The following DAAM2 variants were observed in gnomAD, a reference collection of about 807,000 sequenced individuals.
DAAM2 encodes the protein disheveled-associated activator of morphogenesis 2.
A neutral mutation model predicts 120.7 loss-of-function variants in DAAM2; 39 were observed. That is an observed-to-expected ratio of 0.32 (90% CI 0.25 to 0.42). DAAM2 has a LOEUF of 0.42. Among genes scored for constraint, DAAM2 ranks in the 10% least tolerant of loss-of-function variants. The pLI is 1.00. For missense variants in DAAM2, 1,283 were observed against 1,401.7 expected, an observed-to-expected ratio of 0.92 and a Z score of 1.35; for synonymous variants, 488 against 524.9, an observed-to-expected ratio of 0.93 and a Z score of 0.96.
Position 39,811,174 on chromosome 6 carries a change from AGTGTGTGTGTGT to A in DAAM2, c.-57+18737_-57+18748del, listed in dbSNP as rs59432565. 8.1e-4 allele frequency among the ~76,000 whole-genome samples: 119 copies of A among 146,558 alleles called. 1 individual carries two copies. Among genetic ancestry groups the A allele is most frequent in the Admixed American group, 3.5e-3 (52 of 14,736 alleles). On this transcript the variant is annotated intron_variant, in intron 1 of 24. Transcript: ENST00000274867. ...ATTTGTAAGCCTGTAAACTGAAGGG[AGTGTGTGTGTGT>A]GTGTGTGTGTGTGTGTGTGTGTGTG...
rs1764945807 is a variant in DAAM2, at chr6:39,878,116, C to T, written c.1302-87C>T. On this transcript the variant is annotated intron_variant, in intron 11 of 24. Transcript: ENST00000274867. This position sits in a 1 kb window ranked among gnomAD's most constrained non-coding sequence, Gnocchi z 5.0. ...GACAGATTGGAGACCAGGGTCCCCA[C>T]CTGGAGGGTAGAAAGATGATGTCTC... The T allele has an allele frequency of 4.1e-6, 6 of 1,457,412 alleles. No homozygotes were observed. The highest frequency in any genetic ancestry group is 2.5e-5 in the South Asian group (2 of 79,348). The allele number at this position is 1,457,412 out of a possible 1,614,324, so 90.3% of individuals were successfully genotyped here.
At chr6:39,865,106 G>A (rs752274507) in intron 5 of DAAM2, 32 bp downstream of exon 5, 42 of 1,309,108 alleles carry the variant, frequency 3.2e-5, no homozygotes, top group Non-Finnish European at 4.0e-5. Context: ...GCTTCCTGCT[G>A]AGTCCCTTCA....
intron 1 of DAAM2, among the ~76,000 whole-genome samples, chr6:39,826,701 T>G (rs1024131364): frequency 1.3e-5 from 2 of 152,100 alleles, no homozygotes; most frequent in Non-Finnish European, 2.9e-5. Context: ...TTAAGAAAAA[T>G]GTACATAAAA....
chr6:39,841,068 G>T (rs1313564488), intron 1 of DAAM2, among the ~76,000 whole-genome samples: 3 of 101,142 alleles, frequency 3.0e-5, no homozygotes, highest in African/African-American at 1.1e-4. Flanking sequence ...GGGGAGGGGC[G>T]CTGGGAAGAG....
At chr6:39,854,987 T>G (rs770935710) in intron 1 of DAAM2, among the ~76,000 whole-genome samples, 8 of 152,246 alleles carry the variant, frequency 5.3e-5, no homozygotes, top group Non-Finnish European at 1.0e-4. Context: ...AGAGGCATTC[T>G]AATCTGTTAA....
chr6:39,896,207 T>C (rs1022696506), intron 19 of DAAM2, among the ~76,000 whole-genome samples: 4 of 151,992 alleles, frequency 2.6e-5, no homozygotes, highest in Non-Finnish European at 4.4e-5. Flanking sequence ...TTTTCTTTTT[T>C]CTTTTTTCTT....
chr6:39,860,157 C>G (rs1764153694), intron 2 of DAAM2, among the ~76,000 whole-genome samples: 1 of 152,194 alleles, frequency 6.6e-6, no homozygotes, highest in Non-Finnish European at 1.5e-5. Context: ...CCTTCAAATT[C>G]ACCCTAAAAT....
At chr6:39,897,402 T>C (rs1030571668) in intron 21 of DAAM2, 120 bp downstream of exon 21, 24 of 653,444 alleles carry the variant, frequency 3.7e-5, no homozygotes, top group Non-Finnish European at 6.2e-5. Context: ...GGTTCTTGTC[T>C]TCTGAGTTCA....
At position 39,851,777 on chromosome 6, in the gene DAAM2, G is replaced by A. The variant is rs145864080; in HGVS notation, c.-56-4470G>A. Among the ~76,000 whole-genome samples, 308 of 152,320 alleles carry A rather than the reference G, an allele frequency of 2.0e-3. 1 individual carries two copies. The highest frequency in any genetic ancestry group is 6.1e-3 in the African/African-American group (254 of 41,574). ...TAGGATCGCGCAGGCAGTATGAAAG[G>A]TCAGAGCTGGGAAAGTCCTTGGAGG... On this transcript the variant is annotated intron_variant, in intron 1 of 24. Coordinates refer to ENST00000274867, the MANE Select transcript of DAAM2 (RefSeq NM_001201427.2).
rs368026649 is a variant in DAAM2, at chr6:39,901,355, C to T, written c.2865C>T (p.Asp955=). ...AGCATGACAGCAAGATGCAGCCAGA[C>T]GAATTCTTTGGCATCTTTGATACCT... The part of the protein sequence containing the change: ...FGEHDSKMQP[D]EFFGIFDTFL... The change falls in exon 24 of 25, where the codon GAC becomes GAT. Residue 955 remains aspartate, a synonymous_variant. Coordinates refer to ENST00000274867, the MANE Select transcript of DAAM2 (RefSeq NM_001201427.2). The surrounding 1 kb of genome is among the most constrained non-coding windows in gnomAD (Gnocchi z 4.5). The T allele has an allele frequency of 1.3e-4, 217 of 1,613,818 alleles. No individual in the cohort carries two copies. Among genetic ancestry groups the T allele is most frequent in the Non-Finnish European group, 1.7e-4 (201 of 1,179,868 alleles).
At chr6:39,900,377 G>A (rs907179988) in intron 23 of DAAM2, among the ~76,000 whole-genome samples, 169 bp downstream of exon 23, 17 of 152,256 alleles carry the variant, frequency 1.1e-4, no homozygotes, top group Admixed American at 3.3e-4. Context: ...ACCACATACC[G>A]CAAAGATCAT....
intron 1 of DAAM2, among the ~76,000 whole-genome samples, chr6:39,793,561 C>T (rs578225969): frequency 2.1e-4 from 32 of 152,190 alleles, no homozygotes; most frequent in African/African-American, 5.8e-4. Flanking sequence ...TCCCTTGATG[C>T]CCACGTGGGA....
At chr6:39,886,625 G>T (rs780708699) in intron 15 of DAAM2, 6 of 395,604 alleles carry the variant, frequency 1.5e-5, no homozygotes, top group Non-Finnish European at 2.7e-5. Flanking sequence ...GCAGAGGGAG[G>T]TAATCAAATA....
intron 15 of DAAM2, 103 bp from the exon 16 acceptor site, chr6:39,887,383 C>T: frequency 1.3e-6 from 1 of 754,742 alleles, no homozygotes; most frequent in Admixed American, 2.2e-5. Context: ...TCCCCTCACA[C>T]CAGGAGCATT....
At chr6:39,818,065 GC>G (rs942787852) in intron 1 of DAAM2, among the ~76,000 whole-genome samples, 4 of 151,624 alleles carry the variant, frequency 2.6e-5, no homozygotes, top group African/African-American at 9.7e-5. Context: ...TGTAGTCCTA[GC>G]TATTTGGGAG....
intron 7 of DAAM2, 60 bp downstream of exon 7, chr6:39,868,993 TGTGA>T: frequency 8.2e-7 from 1 of 1,220,136 alleles, no homozygotes; most frequent in Admixed American, 2.0e-5. Context: ...GGGTAGAGTG[TGTGA>T]GTGTGTTGCT....
intron 18 of DAAM2, 55 bp downstream of exon 18, chr6:39,891,502 CA>C: frequency 6.6e-7 from 1 of 1,525,216 alleles, no homozygotes. Flanking sequence ...GCAGGTGGGG[CA>C]GGTGGGGCTC....
At chr6:39,871,462 C>G (rs1273217991) in intron 8 of DAAM2, 44 bp from the exon 9 acceptor site, 5 of 1,524,452 alleles carry the variant, frequency 3.3e-6, no homozygotes, top group Non-Finnish European at 4.5e-6. Flanking sequence ...AAGGGTGTGT[C>G]CTGGCTGTAA....
intron 1 of DAAM2, among the ~76,000 whole-genome samples, chr6:39,849,985 T>C (rs956833721): frequency 1.3e-5 from 2 of 152,120 alleles, no homozygotes; most frequent in Non-Finnish European, 1.5e-5. Context: ...TTGTTTACAT[T>C]CCTTATGTTC....
Sources: allele counts gnomAD v4.1 joint callset (sites outside exome capture counted in the v4.1 genomes callset), GRCh38; gene constraint gnomAD v4.1.1; non-coding constraint Gnocchi (gnomAD v3.1); transcripts MANE v1.5; gene names NCBI Gene and HGNC (gene_info 2026-07-23, HGNC 2026-07-21).